ODAD2: variants seen among roughly 807,000 people sequenced by gnomAD.
ODAD2 encodes outer dynein arm docking complex subunit 2.
Under a neutral mutation model 106.8 loss-of-function variants are expected in ODAD2, and 89 were observed. That is an observed-to-expected ratio of 0.83 (90% CI 0.70 to 0.99). The LOEUF (loss-of-function observed/expected upper bound fraction) is 0.99, where lower values mean the gene tolerates loss of function less well. ODAD2 is among the 50% of genes least tolerant of loss of function. The pLI is 0.00. For missense variants in ODAD2, 1,168 were observed against 1,238.5 expected (o/e 0.94, Z 0.85); for synonymous variants, 404 against 436.2 (o/e 0.93, Z 0.92).
chr10:27,950,334 G>C (rs961978553), intron 10 of ODAD2, among the ~76,000 whole-genome samples: 3 of 152,160 alleles, frequency 2.0e-5, no homozygotes, highest in Admixed American at 6.5e-5. Context: ...ATAACCACGT[G>C]AGTCAAAGCA....
intron 19 of ODAD2, among the ~76,000 whole-genome samples, chr10:27,818,754 G>A (rs939168452): frequency 2.0e-5 from 3 of 152,098 alleles, no homozygotes; most frequent in African/African-American, 4.8e-5. Flanking sequence ...TGGCCTCCCC[G>A]CTCATAGTTC....
At chr10:27,954,017 A>G (rs1847547811) in intron 10 of ODAD2, among the ~76,000 whole-genome samples, 1 of 152,188 alleles carries the variant, frequency 6.6e-6, no homozygotes, top group South Asian at 2.1e-4. Flanking sequence ...GGAGTTTAAT[A>G]TTTTTCCTGC....
intron 10 of ODAD2, among the ~76,000 whole-genome samples, chr10:27,957,780 C>T (rs1397382110): frequency 6.6e-6 from 1 of 152,114 alleles, no homozygotes; most frequent in Non-Finnish European, 1.5e-5. Flanking sequence ...GAGCTCATAG[C>T]TCTGGACGAA....
intron 19 of ODAD2, among the ~76,000 whole-genome samples, chr10:27,854,378 C>A (rs1016802281): frequency 2.6e-5 from 4 of 152,162 alleles, no homozygotes; most frequent in African/African-American, 9.7e-5. Flanking sequence ...GAAGAGGAAG[C>A]AAATGTCCAC....
chr10:27,923,261 C>T (rs976071735), intron 16 of ODAD2, among the ~76,000 whole-genome samples: 2 of 152,118 alleles, frequency 1.3e-5, no homozygotes, highest in South Asian at 2.1e-4. Flanking sequence ...TGCAAGGGCA[C>T]ATCTAAAACA....
intron 7 of ODAD2, among the ~76,000 whole-genome samples, chr10:27,980,612 C>T (rs1156996282): frequency 6.6e-6 from 1 of 151,902 alleles, no homozygotes; most frequent in Non-Finnish European, 1.5e-5. Flanking sequence ...AAATCAAAGC[C>T]CCAATGGGAT....
chr10:27,998,902 G>T, intron 1 of ODAD2, 92 bp downstream of exon 1: 1 of 153,564 alleles, frequency 6.5e-6, no homozygotes, highest in South Asian at 1.9e-4. Flanking sequence ...CCTTGTGGGA[G>T]GCCTACAGGG....
chr10:27,962,234 C>T (rs1237619698), intron 9 of ODAD2, among the ~76,000 whole-genome samples: 1 of 152,226 alleles, frequency 6.6e-6, no homozygotes, highest in African/African-American at 2.4e-5. Flanking sequence ...AAGACTGCCA[C>T]TCATTGCATG....
chr10:27,915,539 ATTAAGTT>A (rs781123560), intron 16 of ODAD2, among the ~76,000 whole-genome samples: 46 of 152,140 alleles, frequency 3.0e-4, no homozygotes, highest in Non-Finnish European at 5.9e-4. Flanking sequence ...CACAATGGGG[ATTAAGTT>A]TCAACATCTA....
chr10:27,897,316 C>G (rs1488617135), intron 17 of ODAD2, among the ~76,000 whole-genome samples: 1 of 152,120 alleles, frequency 6.6e-6, no homozygotes, highest in African/African-American at 2.4e-5. Context: ...CTCCTGACAT[C>G]CAGATTCGTG....
intron 19 of ODAD2, among the ~76,000 whole-genome samples, chr10:27,858,057 T>G (rs1172325316): frequency 6.6e-6 from 1 of 152,210 alleles, no homozygotes; most frequent in African/African-American, 2.4e-5. Flanking sequence ...ACCACCCTGA[T>G]GTGCCAAAAT....
At chr10:27,820,769 C>G (rs1836538477) in intron 19 of ODAD2, among the ~76,000 whole-genome samples, 1 of 143,468 alleles carries the variant, frequency 7.0e-6, no homozygotes, top group African/African-American at 2.8e-5. Context: ...ACCAATGAAG[C>G]CCAGCAACTT....
At chr10:27,948,315 C>T (rs1024119887) in intron 10 of ODAD2, among the ~76,000 whole-genome samples, 1 of 152,034 alleles carries the variant, frequency 6.6e-6, no homozygotes, top group East Asian at 1.9e-4. Context: ...TAGTTCTACT[C>T]TTGTCACTGA....
intron 10 of ODAD2, among the ~76,000 whole-genome samples, chr10:27,947,547 AAAGAAAAT>A (rs1465145841): frequency 6.6e-6 from 1 of 151,024 alleles, no homozygotes; most frequent in Non-Finnish European, 1.5e-5. Flanking sequence ...AAGAAAGAAC[AAAGAAAAT>A]AAGAAAAACA....
intron 17 of ODAD2, among the ~76,000 whole-genome samples, chr10:27,875,624 C>A (rs1841277751): frequency 6.6e-6 from 1 of 152,136 alleles, no homozygotes; most frequent in Admixed American, 6.5e-5. Context: ...ATGAGTGATG[C>A]AGAAGACAGG....
Position 27,987,502 on chromosome 10 carries a change from T to C in ODAD2, c.266A>G (p.Gln89Arg), listed in dbSNP as rs1292610453. Residue 89 changes from glutamine to arginine, a missense_variant, in exon 3 of 20, where the codon CAG becomes CGG. Physicochemically the swap from Gln to Arg is conservative, Grantham distance 43. This residue lies in a region of ODAD2 where 430 missense variants were observed against 452.2 expected (regional missense o/e 0.95). Transcript: ENST00000305242. ...VKSEEVDKNG[Q>R]PLLFLSVPQI... ...TGGTACAGAGAGAAATAGCAAAGGC[T>C]GTCCATTTTTATCAACTTCTTCTGA... The C allele has an allele frequency of 1.9e-6, 3 of 1,612,564 alleles. No homozygotes were observed. In the African/African-American group the frequency reaches 4.0e-5, roughly 22 times the overall value.
intron 10 of ODAD2, among the ~76,000 whole-genome samples, chr10:27,957,851 T>C (rs961104063): frequency 6.6e-6 from 1 of 152,178 alleles, no homozygotes; most frequent in Non-Finnish European, 1.5e-5. Context: ...TCTTTTTTTT[T>C]CCAACAATCA....
At chr10:27,932,827 G>A (rs571541114) in intron 16 of ODAD2, among the ~76,000 whole-genome samples, 1 of 152,282 alleles carries the variant, frequency 6.6e-6, no homozygotes, top group South Asian at 2.1e-4. Context: ...TTTGCTAACT[G>A]ATTGAATGTA....
chr10:27,986,255 G>C (rs1249573643), intron 3 of ODAD2, among the ~76,000 whole-genome samples: 1 of 152,136 alleles, frequency 6.6e-6, no homozygotes, highest in Non-Finnish European at 1.5e-5. Flanking sequence ...AGAGCAGGCA[G>C]ATTCTGAGGA....
Sources: allele counts gnomAD v4.1 joint callset (sites outside exome capture counted in the v4.1 genomes callset), GRCh38; gene constraint gnomAD v4.1.1; regional missense constraint gnomAD v4.1.1; transcripts MANE v1.5; gene names NCBI Gene and HGNC (gene_info 2026-07-23, HGNC 2026-07-21).